Variants in KCNMB2 observed in about 807,000 individuals in gnomAD.
The protein encoded by KCNMB2 is calcium-activated potassium channel subunit beta-2.
A neutral mutation model predicts 24.5 loss-of-function variants in KCNMB2; 9 were observed. That is an observed-to-expected ratio of 0.37 (90% confidence interval 0.22 to 0.64). The LOEUF is 0.64. Ranked by LOEUF, KCNMB2 falls within the 30% of genes least tolerant of loss-of-function variation. The pLI is 0.63. For synonymous variants in KCNMB2, 109 were observed against 104.4 expected, an observed-to-expected ratio of 1.04 and a Z score of -0.27; for missense variants, 226 against 284.3, an observed-to-expected ratio of 0.79 and a Z score of 1.47.
At chr3:178,693,096 T>A (rs2108331258) in intron 1 of KCNMB2, among the ~76,000 whole-genome samples, 1 of 152,332 alleles carries the variant, frequency 6.6e-6, no homozygotes, top group Admixed American at 6.5e-5. Flanking sequence ...TGCACATTGA[T>A]TTTGTATCCT....
intron 1 of KCNMB2, among the ~76,000 whole-genome samples, chr3:178,729,689 A>G (rs182163107): frequency 1.8e-4 from 27 of 152,312 alleles, no homozygotes; most frequent in Non-Finnish European, 3.2e-4. Context: ...TTCCAGGCAT[A>G]TTTTACACTT....
chr3:178,727,489 G>A (rs1723002873), intron 1 of KCNMB2, among the ~76,000 whole-genome samples: 1 of 152,120 alleles, frequency 6.6e-6, no homozygotes, highest in African/African-American at 2.4e-5. Context: ...ATAACCTTGA[G>A]ATTTGGAAAT....
At chr3:178,614,051 C>T (rs528712979) in intron 1 of KCNMB2, among the ~76,000 whole-genome samples, 12 of 150,176 alleles carry the variant, frequency 8.0e-5, no homozygotes, top group Admixed American at 1.3e-4. Context: ...TTCAGGCTCA[C>T]GAATTCTTTC....
chr3:178,753,107 A>G (rs1447532617), intron 1 of KCNMB2, among the ~76,000 whole-genome samples: 5 of 152,226 alleles, frequency 3.3e-5, no homozygotes, highest in Non-Finnish European at 5.9e-5. Flanking sequence ...CTCCAACATC[A>G]GAAGTAAAAT....
At chr3:178,684,508 CA>C (rs970834603) in intron 1 of KCNMB2, among the ~76,000 whole-genome samples, 1 of 151,612 alleles carries the variant, frequency 6.6e-6, no homozygotes, top group African/African-American at 2.4e-5. Context: ...AAAACAAAAA[CA>C]AAAAAAATGG....
At chr3:178,831,566 C>A (rs776736883) in intron 4 of KCNMB2, among the ~76,000 whole-genome samples, 1 of 152,102 alleles carries the variant, frequency 6.6e-6, no homozygotes, top group South Asian at 2.1e-4. Flanking sequence ...ACTACGCAGT[C>A]ATGAAAAAGA....
chr3:178,569,965 A>G (rs1465008073), intron 1 of KCNMB2, among the ~76,000 whole-genome samples: 3 of 151,962 alleles, frequency 2.0e-5, no homozygotes, highest in East Asian at 1.9e-4. Flanking sequence ...TTGAAACGCA[A>G]CTCCTATAGT....
At chr3:178,662,571 G>C (rs77492826) in intron 1 of KCNMB2, among the ~76,000 whole-genome samples, 1 of 152,166 alleles carries the variant, frequency 6.6e-6, no homozygotes, top group South Asian at 2.1e-4. Flanking sequence ...ATGGTGCAAA[G>C]AGCCCAGGCT....
intron 1 of KCNMB2, among the ~76,000 whole-genome samples, chr3:178,585,541 G>A (rs1251213997): frequency 6.6e-6 from 1 of 152,154 alleles, no homozygotes; most frequent in Non-Finnish European, 1.5e-5. Flanking sequence ...GAAGGGGAGA[G>A]AGACAGGGCT....
At chr3:178,808,002 G>A (rs1480410505) in intron 2 of KCNMB2, among the ~76,000 whole-genome samples, 1 of 151,898 alleles carries the variant, frequency 6.6e-6, no homozygotes, top group African/African-American at 2.4e-5. Context: ...TGCATTTCTG[G>A]GCACTGGACA....
intron 1 of KCNMB2, among the ~76,000 whole-genome samples, chr3:178,732,384 T>C (rs1302560945): frequency 6.6e-6 from 1 of 152,208 alleles, no homozygotes; most frequent in Non-Finnish European, 1.5e-5. Flanking sequence ...GAGACATACA[T>C]GTGCAGAGAG....
At chr3:178,775,872 C>A (rs1435094816) in intron 1 of KCNMB2, among the ~76,000 whole-genome samples, 2 of 152,142 alleles carry the variant, frequency 1.3e-5, no homozygotes, top group Non-Finnish European at 2.9e-5. Context: ...AGATTACCTG[C>A]CTCCAGACTG....
At chr3:178,540,007 A>G (rs971670532) in intron 1 of KCNMB2, among the ~76,000 whole-genome samples, 4 of 152,142 alleles carry the variant, frequency 2.6e-5, no homozygotes, top group African/African-American at 9.7e-5. Context: ...TAACCTCCAT[A>G]CTTACATATC....
At chr3:178,625,334 AC>A (rs906229717) in intron 1 of KCNMB2, among the ~76,000 whole-genome samples, 4 of 151,522 alleles carry the variant, frequency 2.6e-5, no homozygotes, top group African/African-American at 4.8e-5. Flanking sequence ...CAGGAGCTGG[AC>A]CCCCCCACCC....
At chr3:178,556,474 G>A (rs980051577) in intron 1 of KCNMB2, among the ~76,000 whole-genome samples, 1 of 152,128 alleles carries the variant, frequency 6.6e-6, no homozygotes, top group African/African-American at 2.4e-5. Flanking sequence ...GCACAATCTT[G>A]GCTTGCTGCA....
At chr3:178,536,880 AT>A (rs1291394892) in intron 1 of KCNMB2, among the ~76,000 whole-genome samples, 169 bp downstream of exon 1, 4 of 152,220 alleles carry the variant, frequency 2.6e-5, no homozygotes, top group Non-Finnish European at 5.9e-5. Context: ...GGACAGTATT[AT>A]GTTTTATGGC....
intron 3 of KCNMB2, among the ~76,000 whole-genome samples, chr3:178,826,740 T>C (rs1714848121): frequency 6.6e-6 from 1 of 152,244 alleles, no homozygotes; most frequent in South Asian, 2.1e-4. Flanking sequence ...ATTAATACTT[T>C]CATTTTAGAA....
intron 1 of KCNMB2, among the ~76,000 whole-genome samples, chr3:178,802,260 A>G (rs760329399): frequency 3.3e-5 from 5 of 152,180 alleles, no homozygotes; most frequent in Non-Finnish European, 7.4e-5. Context: ...GAGTGATGTC[A>G]TTAGTGTTAC....
chr3:178,826,670 A>C (rs974712620), intron 3 of KCNMB2, among the ~76,000 whole-genome samples: 14 of 152,248 alleles, frequency 9.2e-5, no homozygotes, highest in African/African-American at 3.4e-4. Flanking sequence ...CAAATGAAAA[A>C]TTGAGGTTTC....
Sources: gnomAD v4.1 joint callset for allele counts (sites outside exome capture counted in the v4.1 genomes callset) on GRCh38, gnomAD v4.1.1 for gene constraint, MANE v1.5 for transcripts, NCBI Gene and HGNC (gene_info 2026-07-23, HGNC 2026-07-21) for gene names.